The following HACE1 variants were observed in gnomAD, a reference collection of about 807,000 sequenced individuals.
HACE1 encodes the protein HECT domain and ankyrin repeat containing E3 ubiquitin protein ligase 1.
HACE1 carries 73 observed loss-of-function variants against 118.4 expected under a neutral mutation model. The ratio of observed to expected loss-of-function variants is 0.62; its 90% CI spans 0.51 to 0.75. HACE1 has a LOEUF of 0.75. HACE1 is among the 30% of genes least tolerant of loss of function. The pLI is 0.00. For missense variants in HACE1, 749 were observed against 1,102.2 expected, an observed-to-expected ratio of 0.68 and a Z score of 4.54; for synonymous variants, 368 against 374.8, an observed-to-expected ratio of 0.98 and a Z score of 0.21.
At chr6:104,845,476 CTT>C (rs35701834) in intron 4 of HACE1, among the ~76,000 whole-genome samples, 255 of 134,076 alleles carry the variant, frequency 1.9e-3, no homozygotes, top group African/African-American at 6.3e-3. Flanking sequence ...TCTGGGTAAA[CTT>C]TTTTTTTTTT....
At chr6:104,778,054 C>T (rs558045542) in intron 14 of HACE1, among the ~76,000 whole-genome samples, 8 of 152,298 alleles carry the variant, frequency 5.3e-5, no homozygotes, top group African/African-American at 1.7e-4. Context: ...CCACTGCGCC[C>T]GGCCTCTTAC....
In HACE1 at chr6:104,744,213, T is replaced by C. The variant is rs138356364; in HGVS notation, c.2460A>G (p.Val820=). ...CTCTCTCCTCTTGAGTAATGTCTTC[T>C]ACAACTTCCCAGAACCACTAACAAC... is the stretch of plus-strand genomic sequence containing the variant. The part of the protein sequence containing the change: ...DPVIQWFWEV[V]EDITQEERVL... The change falls in exon 22 of 24, where the codon GTA becomes GTG. Residue 820 remains valine, a synonymous_variant. Coordinates refer to ENST00000262903, the MANE Select transcript of HACE1 (RefSeq NM_020771.4). 9 of 1,600,478 alleles carry C rather than the reference T, an allele frequency of 5.6e-6. No homozygotes were observed. In the African/African-American group the frequency reaches 1.1e-4, roughly 20 times the overall value.
intron 7 of HACE1, among the ~76,000 whole-genome samples, chr6:104,807,259 T>C (rs1291740060): frequency 6.6e-6 from 1 of 152,072 alleles, no homozygotes; most frequent in African/African-American, 2.4e-5. Context: ...CTTGACCTCG[T>C]GATCCACCCG....
intron 7 of HACE1, among the ~76,000 whole-genome samples, chr6:104,806,002 C>T (rs2114940167): frequency 6.6e-6 from 1 of 152,178 alleles, no homozygotes; most frequent in Non-Finnish European, 1.5e-5. Flanking sequence ...ATGTTCAATA[C>T]ACAAGGTAAA....
intron 7 of HACE1, among the ~76,000 whole-genome samples, chr6:104,797,353 A>T (rs1274717732): frequency 1.3e-5 from 2 of 149,346 alleles, no homozygotes; most frequent in Non-Finnish European, 3.0e-5. Flanking sequence ...CCCTCTCTCC[A>T]CCTTAACTTG....
At chr6:104,732,058 GAC>G (rs1432413913) in intron 22 of HACE1, 3 of 151,954 alleles carry the variant, frequency 2.0e-5, no homozygotes, top group Non-Finnish European at 4.4e-5. Context: ...AAAAACAAAA[GAC>G]AGAAAATTAC....
chr6:104,800,919 G>A lies in HACE1; in HGVS notation c.618-3894C>T, dbSNP rs950039474. 3.3e-5 allele frequency among the ~76,000 whole-genome samples: 5 copies of A among 152,092 alleles called. No homozygotes were observed. The East Asian group carries it at 5.8e-4, about 18-fold the overall frequency. ...GAAGGCTGGTAATAACAACTTCTCC[G>A]AGCTAAAGGAGGATGTTCTAACCCA... is the stretch of plus-strand genomic sequence containing the variant. On this transcript the variant is annotated intron_variant, in intron 7 of 23. Transcript: ENST00000262903.
At chr6:104,799,770 G>A (rs1019595119) in intron 7 of HACE1, among the ~76,000 whole-genome samples, 1 of 152,228 alleles carries the variant, frequency 6.6e-6, no homozygotes, top group African/African-American at 2.4e-5. Context: ...ATTCCAAGAT[G>A]GCCGAATATG....
At chr6:104,772,958 G>C (rs1204024289) in intron 17 of HACE1, among the ~76,000 whole-genome samples, 2 of 151,680 alleles carry the variant, frequency 1.3e-5, no homozygotes, top group African/African-American at 4.8e-5. Context: ...CACTGTGAAT[G>C]TACTTAAATG....
chr6:104,771,410 G>A, intron 18 of HACE1, 21 bp from the exon 19 acceptor site: 1 of 1,530,238 alleles, frequency 6.5e-7, no homozygotes, highest in Non-Finnish European at 9.0e-7. Context: ...CAAACATACA[G>A]CAGTTATAGT....
Position 104,795,694 on chromosome 6 carries a change from T to C in HACE1, c.817-9A>G, listed in dbSNP as rs773782069. On this transcript the variant is annotated splice_polypyrimidine_tract_variant and intron_variant, in intron 9 of 23. Coordinates refer to ENST00000262903, the MANE Select transcript of HACE1 (RefSeq NM_020771.4). Reference sequence around the variant, plus strand: ...TCCAGAACTTGCCGTAACTAAATTTTTTACAAATAAAAAAATGTGATTACA... The same window carrying C: ...TCCAGAACTTGCCGTAACTAAATTTCTTACAAATAAAAAAATGTGATTACA... 13 of 1,537,948 alleles carry C rather than the reference T, an allele frequency of 8.5e-6. No individual in the cohort carries two copies. In the South Asian group the frequency reaches 1.5e-4, roughly 17 times the overall value.
chr6:104,799,072 T>C (rs925347168), intron 7 of HACE1, among the ~76,000 whole-genome samples: 17 of 152,200 alleles, frequency 1.1e-4, no homozygotes, highest in African/African-American at 3.6e-4. Context: ...AACGCTGCAC[T>C]CTAGAAAATA....
chr6:104,732,552 G>T (rs1775325907), intron 22 of HACE1, among the ~76,000 whole-genome samples: 1 of 152,124 alleles, frequency 6.6e-6, no homozygotes, highest in Non-Finnish European at 1.5e-5. Flanking sequence ...AGGAGGAGGG[G>T]GAGTTAGTGT....
At chr6:104,849,439 C>T (rs897775162) in intron 3 of HACE1, among the ~76,000 whole-genome samples, 193 bp from the exon 4 acceptor site, 2 of 152,016 alleles carry the variant, frequency 1.3e-5, no homozygotes, top group Admixed American at 1.3e-4. Flanking sequence ...TGGGCTCAAG[C>T]AATCCTCCCA....
intron 22 of HACE1, among the ~76,000 whole-genome samples, chr6:104,736,921 T>C (rs1221203789): frequency 1.3e-5 from 2 of 152,134 alleles, no homozygotes; most frequent in Non-Finnish European, 2.9e-5. Context: ...TTAATTTTCT[T>C]CTATTTTCTC....
At chr6:104,809,236 G>T (rs1174480861) in intron 7 of HACE1, among the ~76,000 whole-genome samples, 1 of 152,110 alleles carries the variant, frequency 6.6e-6, no homozygotes, top group Non-Finnish European at 1.5e-5. Flanking sequence ...GGCATGTAGG[G>T]GAGACAGACT....
Position 104,779,207 on chromosome 6 carries a change from T to C in HACE1, c.1567-1890A>G, listed in dbSNP as rs147801359. Among the ~76,000 whole-genome samples, 534 of 152,216 alleles carry C rather than the reference T, an allele frequency of 3.5e-3. 1 individual carries two copies. Among genetic ancestry groups the C allele is most frequent in the African/African-American group, 0.012 (486 of 41,540 alleles). On this transcript the variant is annotated intron_variant, in intron 14 of 23. Coordinates refer to ENST00000262903, the MANE Select transcript of HACE1 (RefSeq NM_020771.4). The stretch of plus-strand genomic sequence containing the variant: ...TCAAAGGAGAAGCAAGGTGGTGCAA[T>C]ACCATCACAAAAGCTAAGAGTTTCA...
At chr6:104,824,298 C>A (rs189528559) in intron 6 of HACE1, among the ~76,000 whole-genome samples, 23 of 152,156 alleles carry the variant, frequency 1.5e-4, no homozygotes, top group Admixed American at 3.9e-4. Flanking sequence ...TACACACATA[C>A]GATATTGAGA....
chr6:104,853,314 A>C (rs1304318574), intron 1 of HACE1, among the ~76,000 whole-genome samples: 2 of 152,230 alleles, frequency 1.3e-5, no homozygotes, highest in African/African-American at 4.8e-5. Flanking sequence ...GTATCAGCAG[A>C]AAACAGGCTA....
Sources: gnomAD v4.1 joint callset for allele counts (sites outside exome capture counted in the v4.1 genomes callset) on GRCh38, gnomAD v4.1.1 for gene constraint, MANE v1.5 for transcripts, NCBI Gene and HGNC (gene_info 2026-07-23, HGNC 2026-07-21) for gene names.